OSBPL1A: variants seen among roughly 807,000 people sequenced by gnomAD.
The protein encoded by OSBPL1A is oxysterol-binding protein-related protein 1.
OSBPL1A carries 80 observed loss-of-function variants against 137.1 expected under a neutral mutation model. The observed-to-expected ratio is 0.58, with a 90% CI of 0.49 to 0.70. The LOEUF (loss-of-function observed/expected upper bound fraction) is 0.70, where lower values mean the gene tolerates loss of function less well. OSBPL1A is among the 30% of genes least tolerant of loss of function. The pLI is 0.00. For synonymous variants in OSBPL1A, 365 were observed against 389.7 expected (o/e 0.94, Z 0.75); for missense variants, 970 against 1,129.4 (o/e 0.86, Z 2.02).
At chr18:24,315,590 TTAA>T (rs1350956899) in intron 11 of OSBPL1A, among the ~76,000 whole-genome samples, 9 of 85,326 alleles carry the variant, frequency 1.1e-4, no homozygotes, top group African/African-American at 3.9e-4. Context: ...TATAATCATA[TTAA>T]TATTATTATA....
At chr18:24,369,170 G>C (rs1376439847) in intron 2 of OSBPL1A, among the ~76,000 whole-genome samples, 1 of 152,186 alleles carries the variant, frequency 6.6e-6, no homozygotes, top group African/African-American at 2.4e-5. Flanking sequence ...GTGCCTGAAA[G>C]TGGAGTCTTT....
intron 1 of OSBPL1A, among the ~76,000 whole-genome samples, chr18:24,379,009 G>T (rs1199805824): frequency 1.3e-5 from 2 of 151,758 alleles, no homozygotes. Context: ...AGAAAACAAG[G>T]TATCAAAGAA....
chr18:24,267,164 AAG>A (rs1166052643), intron 15 of OSBPL1A, among the ~76,000 whole-genome samples: 137 of 150,378 alleles, frequency 9.1e-4, no homozygotes, highest in African/African-American at 3.1e-3. Context: ...AAAAAAAAAA[AAG>A]AAAGAAAATT....
chr18:24,171,704 T>C (rs945515881), intron 22 of OSBPL1A, among the ~76,000 whole-genome samples: 1 of 152,206 alleles, frequency 6.6e-6, no homozygotes, highest in Non-Finnish European at 1.5e-5. Flanking sequence ...AAAGAATACA[T>C]GACTTGCCTA....
intron 15 of OSBPL1A, among the ~76,000 whole-genome samples, chr18:24,266,481 G>A (rs1053919756): frequency 1.3e-5 from 2 of 152,250 alleles, no homozygotes; most frequent in Admixed American, 6.5e-5. Flanking sequence ...GGTGGAAAAG[G>A]CAACAAGGGG....
chr18:24,205,645 A>G (rs1202660850), intron 17 of OSBPL1A, among the ~76,000 whole-genome samples: 1 of 152,230 alleles, frequency 6.6e-6, no homozygotes, highest in Non-Finnish European at 1.5e-5. Context: ...CAATAATTTC[A>G]GGGAAAATTT....
intron 14 of OSBPL1A, among the ~76,000 whole-genome samples, chr18:24,288,948 C>T (rs933761224): frequency 6.6e-6 from 1 of 152,000 alleles, no homozygotes; most frequent in Non-Finnish European, 1.5e-5. Flanking sequence ...CAGCTAATCT[C>T]GGAAGCTAAG....
At position 24,233,475 on chromosome 18, in the gene OSBPL1A, C is replaced by T. The variant is rs1020813502; in HGVS notation, c.1444+5745G>A. 5.9e-5 allele frequency among the ~76,000 whole-genome samples: 9 copies of T among 152,180 alleles called. No individual in the cohort carries two copies. In the South Asian group the frequency reaches 6.2e-4, roughly 11 times the overall value. ...CATGCATTCCTGATTATCTTAGGCT[C>T]ATTATTGAATAACAATATATTTTTA... On this transcript the variant is annotated intron_variant, in intron 16 of 27. Coordinates refer to ENST00000319481, the MANE Select transcript of OSBPL1A (RefSeq NM_080597.4).
intron 1 of OSBPL1A, among the ~76,000 whole-genome samples, chr18:24,378,795 T>G (rs1906377831): frequency 1.3e-5 from 2 of 152,180 alleles, no homozygotes; most frequent in Admixed American, 6.5e-5. Context: ...TTACCCTCTA[T>G]GAGACTTAGC....
intron 5 of OSBPL1A, among the ~76,000 whole-genome samples, chr18:24,339,551 C>G (rs2091239345): frequency 6.6e-6 from 1 of 152,196 alleles, no homozygotes; most frequent in Admixed American, 6.5e-5. Flanking sequence ...TAGAGCATGT[C>G]TTTACAATTG....
chr18:24,196,275 AC>A, intron 17 of OSBPL1A, 75 bp from the exon 18 acceptor site: 14 of 982,252 alleles, frequency 1.4e-5, no homozygotes, highest in Non-Finnish European at 1.9e-5. Flanking sequence ...GCTTTCATTC[AC>A]ATGAGAGCTG....
chr18:24,224,045 T>G (rs1375095164), intron 17 of OSBPL1A, among the ~76,000 whole-genome samples: 6 of 152,214 alleles, frequency 3.9e-5, no homozygotes, highest in African/African-American at 1.4e-4. Flanking sequence ...TTTGCAATTA[T>G]AAGCATGTTT....
intron 22 of OSBPL1A, among the ~76,000 whole-genome samples, chr18:24,171,744 C>T (rs759963187): frequency 3.9e-5 from 6 of 152,136 alleles, no homozygotes; most frequent in Non-Finnish European, 8.8e-5. Context: ...GAGCCCAGCT[C>T]TTTCTAGTAA....
At chr18:24,315,656 TTATAA>T (rs200375564) in intron 11 of OSBPL1A, among the ~76,000 whole-genome samples, 9,185 of 131,076 alleles carry the variant, frequency 0.07, 1,147 homozygotes, top group African/African-American at 0.25. Context: ...AAATATAAAA[TTATAA>T]TATAATATAT....
intron 14 of OSBPL1A, among the ~76,000 whole-genome samples, chr18:24,290,694 TA>T (rs1287177442): frequency 2.0e-5 from 3 of 151,716 alleles, no homozygotes; most frequent in African/African-American, 7.3e-5. Flanking sequence ...AAAAAATAAA[TA>T]AATAATAAAT....
At chr18:24,193,086 T>C (rs114100973) in intron 18 of OSBPL1A, among the ~76,000 whole-genome samples, 1,675 of 152,102 alleles carry the variant, frequency 0.011, 25 homozygotes, top group African/African-American at 0.039. Context: ...TAAATGGAGG[T>C]AAGGGAAGAG....
At position 24,366,985 on chromosome 18, in the gene OSBPL1A, TTAA is replaced by T. The variant is rs770448670; in HGVS notation, c.208-22_208-20del. ...CACCAGCCTAGTAAACATGACCACT[TTAA>T]ATACCAAGAAATATACAATGGTGAA... is the stretch of plus-strand genomic sequence containing the variant. On this transcript the variant is annotated intron_variant, in intron 3 of 27. Transcript: ENST00000319481. The T allele has an allele frequency of 6.3e-7, 1 of 1,587,938 alleles. No homozygotes were observed. Among genetic ancestry groups the T allele is most frequent in the South Asian group, 1.2e-5 (1 of 86,332 alleles).
intron 15 of OSBPL1A, among the ~76,000 whole-genome samples, chr18:24,280,258 T>C (rs2089930546): frequency 6.6e-6 from 1 of 152,148 alleles, no homozygotes; most frequent in African/African-American, 2.4e-5. Context: ...TTTTTGTATT[T>C]TTTGGTAGAG....
intron 16 of OSBPL1A, among the ~76,000 whole-genome samples, chr18:24,236,717 A>G (rs928428152): frequency 5.9e-5 from 9 of 152,160 alleles, no homozygotes; most frequent in African/African-American, 1.9e-4. Context: ...AGGCGTTTGG[A>G]CTGAGCCTCA....
Sources: gnomAD v4.1 joint callset for allele counts (sites outside exome capture counted in the v4.1 genomes callset) on GRCh38, gnomAD v4.1.1 for gene constraint, MANE v1.5 for transcripts, NCBI Gene and HGNC (gene_info 2026-07-23, HGNC 2026-07-21) for gene names.